Variants in PDE1A observed in about 807,000 individuals in gnomAD.
PDE1A encodes the protein dual specificity calcium/calmodulin-dependent 3',5'-cyclic nucleotide phosphodiesterase 1A.
Under a neutral mutation model 61.7 loss-of-function variants are expected in PDE1A, and 35 were observed. That is an observed-to-expected ratio of 0.57 (90% CI 0.43 to 0.75). The LOEUF is 0.75. PDE1A is among the 30% of genes least tolerant of loss of function. The pLI is 0.00. For synonymous variants in PDE1A, 232 were observed against 213.2 expected (o/e 1.09, Z -0.77); for missense variants, 597 against 630.6 (o/e 0.95, Z 0.57).
At chr2:182,181,222 G>A (rs1042533270) in intron 13 of PDE1A, among the ~76,000 whole-genome samples, 1 of 152,124 alleles carries the variant, frequency 6.6e-6, no homozygotes. Context: ...CATCTTCATG[G>A]ATTTATCTAC....
chr2:182,445,145 G>A (rs752678485), intron 2 of PDE1A, among the ~76,000 whole-genome samples: 2 of 152,038 alleles, frequency 1.3e-5, no homozygotes, highest in Admixed American at 6.6e-5. Context: ...CAGCATTTAC[G>A]CCTTATGCAG....
chr2:182,713,259 A>C, the PDE1A span, among the ~76,000 whole-genome samples: 17 of 152,312 alleles, frequency 1.1e-4, no homozygotes, highest in Admixed American at 4.6e-4. Flanking sequence ...GATTTGTTTG[A>C]ATAATTGATG....
chr2:182,682,276 G>A, the PDE1A span, among the ~76,000 whole-genome samples: 2 of 152,202 alleles, frequency 1.3e-5, no homozygotes, highest in Non-Finnish European at 2.9e-5. Flanking sequence ...TGTCTGAGGA[G>A]ATGGGTGATC....
intron 1 of PDE1A, among the ~76,000 whole-genome samples, chr2:182,334,699 C>T (rs1310350343): frequency 1.3e-5 from 2 of 152,126 alleles, no homozygotes; most frequent in African/African-American, 2.4e-5. Context: ...GGAAGCGTTC[C>T]CTTTCAAAAC....
chr2:182,687,071 G>A, the PDE1A span, among the ~76,000 whole-genome samples: 1 of 152,238 alleles, frequency 6.6e-6, no homozygotes, highest in Non-Finnish European at 1.5e-5. Flanking sequence ...GCAGCTCAAG[G>A]AGGCCTGCCT....
At chr2:182,485,533 T>C (rs1687964891) in intron 2 of PDE1A, among the ~76,000 whole-genome samples, 1 of 151,996 alleles carries the variant, frequency 6.6e-6, no homozygotes, top group Non-Finnish European at 1.5e-5. Flanking sequence ...TTTAAAAAGC[T>C]ATAGTATCAA....
intron 9 of PDE1A, 21 bp downstream of exon 9, chr2:182,201,659 AAAAACAAC>A (rs1177863351): frequency 1.9e-6 from 3 of 1,549,166 alleles, no homozygotes; most frequent in Admixed American, 2.1e-5. Context: ...ACAAAAAAAA[AAAAACAAC>A]AAAAAAAACA....
chr2:182,172,831 G>A (rs981872528), intron 13 of PDE1A, among the ~76,000 whole-genome samples: 4 of 151,988 alleles, frequency 2.6e-5, no homozygotes, highest in Admixed American at 1.3e-4. Flanking sequence ...AAAACCAAAG[G>A]TAGAGAGATA....
intron 1 of PDE1A, among the ~76,000 whole-genome samples, chr2:182,337,159 C>T (rs191038098): frequency 9.9e-5 from 15 of 152,036 alleles, no homozygotes; most frequent in African/African-American, 3.6e-4. Flanking sequence ...ATACACTTTG[C>T]CTTATATGTA....
chr2:182,337,595 C>T (rs1374307371), intron 1 of PDE1A, among the ~76,000 whole-genome samples: 1 of 152,068 alleles, frequency 6.6e-6, no homozygotes, highest in African/African-American at 2.4e-5. Flanking sequence ...GCCTTTTGTA[C>T]TTTCAGATGC....
the PDE1A span, among the ~76,000 whole-genome samples, chr2:182,643,163 A>G: frequency 2.0e-5 from 3 of 152,228 alleles, no homozygotes; most frequent in African/African-American, 7.2e-5. Context: ...GTCCTGCTCA[A>G]TTCCTGGCTG....
the PDE1A span, among the ~76,000 whole-genome samples, chr2:182,537,145 G>T: frequency 6.6e-6 from 1 of 152,168 alleles, no homozygotes; most frequent in Non-Finnish European, 1.5e-5. Context: ...ACTAAGCTTT[G>T]GTGTAACTGC....
chr2:182,157,026 T>TTC, intron 13 of PDE1A, among the ~76,000 whole-genome samples: 1 of 149,270 alleles, frequency 6.7e-6, no homozygotes, highest in Non-Finnish European at 1.5e-5. Flanking sequence ...TTTATTTTTT[T>TTC]TTTTTTGAGA....
intron 2 of PDE1A, among the ~76,000 whole-genome samples, chr2:182,516,661 A>G (rs1281113963): frequency 2.2e-5 from 3 of 139,204 alleles, no homozygotes; most frequent in Non-Finnish European, 4.7e-5. Flanking sequence ...AGAGAGAAAG[A>G]GAGAAAGAAG....
the PDE1A span, among the ~76,000 whole-genome samples, chr2:182,602,992 C>CACACACACACAT: frequency 1.6e-3 from 210 of 130,488 alleles, 1 homozygote; most frequent in African/African-American, 5.5e-3. Flanking sequence ...CACACACACA[C>CACACACACACAT]ACATACATAC....
chr2:182,715,939 A>AC, the PDE1A span: 1 of 152,064 alleles, frequency 6.6e-6, no homozygotes, highest in East Asian at 1.9e-4. Flanking sequence ...AGGGAACTCA[A>AC]CCCCAAAACC....
chr2:182,364,938 C>A (rs2125199750), intron 1 of PDE1A, among the ~76,000 whole-genome samples: 1 of 152,124 alleles, frequency 6.6e-6, no homozygotes, highest in Non-Finnish European at 1.5e-5. Context: ...ATTAATACAT[C>A]TGCTGCTCTA....
chr2:182,491,586 T>C (rs145813867), intron 2 of PDE1A, among the ~76,000 whole-genome samples: 46 of 152,326 alleles, frequency 3.0e-4, no homozygotes, highest in African/African-American at 9.6e-4. Context: ...TTCTGGACAT[T>C]TGTCCTAAGA....
At chr2:182,198,967 C>T (rs893195943) in intron 10 of PDE1A, among the ~76,000 whole-genome samples, 2 of 151,918 alleles carry the variant, frequency 1.3e-5, no homozygotes, top group Non-Finnish European at 2.9e-5. Flanking sequence ...GAATTAAAGT[C>T]ATCTAAGCCT....
Sources: gnomAD v4.1 joint callset for allele counts (sites outside exome capture counted in the v4.1 genomes callset) on GRCh38, gnomAD v4.1.1 for gene constraint, MANE v1.5 for transcripts, NCBI Gene and HGNC (gene_info 2026-07-23, HGNC 2026-07-21) for gene names.